Variants in UNC13C observed in about 807,000 individuals in gnomAD.
The protein encoded by UNC13C is protein unc-13 homolog C.
In UNC13C, 174 loss-of-function variants were observed where a neutral mutation model predicts 245.4. The ratio of observed to expected loss-of-function variants is 0.71; its 90% CI spans 0.63 to 0.80. UNC13C has a LOEUF of 0.80. Among genes scored for constraint, UNC13C ranks in the 30% least tolerant of loss-of-function variants. The probability of loss-of-function intolerance (pLI) is 0.00; values close to 1 mark genes in which losing one functional copy is unlikely to be tolerated. For synonymous variants in UNC13C, 992 were observed against 895.1 expected (o/e 1.11, Z -1.93); for missense variants, 2,829 against 2,602.9 (o/e 1.09, Z -1.89).
At chr15:54,592,043 T>C (rs149801889) in intron 30 of UNC13C, among the ~76,000 whole-genome samples, 6,528 of 152,268 alleles carry the variant, frequency 0.043, 244 homozygotes, top group Admixed American at 0.12. Flanking sequence ...TATCTCAATT[T>C]CATTTTTGAC....
chr15:53,983,964 C>T (rs1595677478), intron 1 of UNC13C, among the ~76,000 whole-genome samples: 1 of 152,204 alleles, frequency 6.6e-6, no homozygotes, highest in East Asian at 1.9e-4. Flanking sequence ...CTTCTGTTAT[C>T]TTCCTATTAA....
At chr15:53,886,321 G>A in the UNC13C span, among the ~76,000 whole-genome samples, 10 of 152,082 alleles carry the variant, frequency 6.6e-5, no homozygotes, top group Non-Finnish European at 1.3e-4. Flanking sequence ...GAGTTATGAA[G>A]TGAAAGAAAA....
At position 54,579,857 on chromosome 15, in the gene UNC13C, A is replaced by G. The variant is rs150212695; in HGVS notation, c.6106+11910A>G. Among the ~76,000 whole-genome samples the G allele has an allele frequency of 1.7e-3, 257 of 152,362 alleles. 2 individuals carry two copies. Among genetic ancestry groups the G allele is most frequent in the Non-Finnish European group, 2.3e-3 (157 of 68,042 alleles). ...TGGAGTGGGACCCACATGTTATTGTATAATGCACCGATTAAAATTAAGTGC... is the reference window on the plus strand; with the variant it reads ...TGGAGTGGGACCCACATGTTATTGTGTAATGCACCGATTAAAATTAAGTGC... On this transcript the variant is annotated intron_variant, in intron 30 of 32. Transcript: ENST00000260323.
At chr15:54,321,840 G>C in intron 13 of UNC13C, 99 bp from the exon 14 acceptor site, 1 of 1,186,120 alleles carries the variant, frequency 8.4e-7, no homozygotes, top group South Asian at 1.5e-5. Flanking sequence ...CCTTTTCATA[G>C]ATGTAGCTGT....
At chr15:53,945,048 C>CA in the UNC13C span, among the ~76,000 whole-genome samples, 1 of 152,096 alleles carries the variant, frequency 6.6e-6, no homozygotes, top group East Asian at 1.9e-4. Context: ...TTGTTGGCTG[C>CA]ATGTATGTCT....
intron 2 of UNC13C, among the ~76,000 whole-genome samples, chr15:54,117,357 A>T (rs975751583): frequency 1.3e-5 from 2 of 151,904 alleles, no homozygotes; most frequent in Admixed American, 1.3e-4. Flanking sequence ...GCCCAGTCTG[A>T]TGTTCTCAAG....
intron 2 of UNC13C, among the ~76,000 whole-genome samples, chr15:54,038,568 C>A (rs1035195546): frequency 1.3e-5 from 2 of 152,108 alleles, no homozygotes; most frequent in African/African-American, 4.8e-5. Flanking sequence ...TTTTAAACTG[C>A]AGTTATACTT....
intron 19 of UNC13C, among the ~76,000 whole-genome samples, chr15:54,449,115 T>G (rs1567281973): frequency 6.6e-6 from 1 of 152,234 alleles, no homozygotes; most frequent in Non-Finnish European, 1.5e-5. Flanking sequence ...CACTCTCTTC[T>G]GGCTTGTGGA....
At chr15:54,484,013 T>C (rs894927726) in intron 19 of UNC13C, among the ~76,000 whole-genome samples, 8 of 152,030 alleles carry the variant, frequency 5.3e-5, no homozygotes, top group African/African-American at 1.9e-4. Flanking sequence ...TGGTCTTCCA[T>C]ACCTTTCATA....
At chr15:54,473,454 T>A (rs534210865) in intron 19 of UNC13C, among the ~76,000 whole-genome samples, 1 of 151,912 alleles carries the variant, frequency 6.6e-6, no homozygotes. Flanking sequence ...AACTTTCTTA[T>A]TCTTTCTTTG....
At chr15:54,007,764 C>T (rs1895206570) in intron 1 of UNC13C, among the ~76,000 whole-genome samples, 1 of 152,088 alleles carries the variant, frequency 6.6e-6, no homozygotes, top group Non-Finnish European at 1.5e-5. Context: ...TAACCCAGAA[C>T]CAAAAATAAC....
intron 2 of UNC13C, among the ~76,000 whole-genome samples, chr15:54,099,842 C>G (rs1428139812): frequency 6.6e-6 from 1 of 152,076 alleles, no homozygotes. Flanking sequence ...TGCCTGTAAT[C>G]CCAGCACTTT....
intron 2 of UNC13C, among the ~76,000 whole-genome samples, chr15:54,056,091 C>T (rs145039483): frequency 5.3e-5 from 8 of 152,130 alleles, no homozygotes; most frequent in African/African-American, 1.2e-4. Context: ...TCACCAGCAA[C>T]GGAACAAAGC....
intron 18 of UNC13C, among the ~76,000 whole-genome samples, chr15:54,410,811 T>C (rs1474663695): frequency 2.0e-5 from 3 of 152,200 alleles, no homozygotes; most frequent in Admixed American, 1.3e-4. Flanking sequence ...GCTTGGTTCT[T>C]TTTTCTTAAG....
At chr15:54,243,465 C>CA (rs2035913502) in intron 7 of UNC13C, among the ~76,000 whole-genome samples, 2 of 152,124 alleles carry the variant, frequency 1.3e-5, no homozygotes, top group Non-Finnish European at 1.5e-5. Flanking sequence ...TGTATCTTTA[C>CA]AACAGAATGA....
chr15:53,977,715 A>C (rs1893755249), upstream of UNC13C, among the ~76,000 whole-genome samples: 1 of 152,176 alleles, frequency 6.6e-6, no homozygotes. Context: ...TTATTGATGG[A>C]AAGTGGGAAC....
At chr15:54,620,551 TAA>T (rs1219350811) in intron 30 of UNC13C, among the ~76,000 whole-genome samples, 1 of 152,138 alleles carries the variant, frequency 6.6e-6, no homozygotes, top group Non-Finnish European at 1.5e-5. Context: ...ACTCATTTCT[TAA>T]AGTTTCATTC....
At chr15:53,885,171 A>G in the UNC13C span, among the ~76,000 whole-genome samples, 1 of 152,234 alleles carries the variant, frequency 6.6e-6, no homozygotes, top group Non-Finnish European at 1.5e-5. Flanking sequence ...CAGTTCTTTG[A>G]ACAAACGGAA....
chr15:54,198,456 C>T (rs1267559273), intron 4 of UNC13C, among the ~76,000 whole-genome samples: 1 of 152,170 alleles, frequency 6.6e-6, no homozygotes, highest in Non-Finnish European at 1.5e-5. Context: ...ACAGTGTCCA[C>T]TTCACTCCCC....
Sources: allele counts gnomAD v4.1 joint callset (sites outside exome capture counted in the v4.1 genomes callset), GRCh38; gene constraint gnomAD v4.1.1; transcripts MANE v1.5; gene names NCBI Gene and HGNC (gene_info 2026-07-23, HGNC 2026-07-21).